CNTN4: variants seen among roughly 807,000 people sequenced by gnomAD.
CNTN4 encodes the protein contactin 4, also known as contactin-4.
Under a neutral mutation model 122.5 loss-of-function variants are expected in CNTN4, and 77 were observed. That is an observed-to-expected ratio of 0.63 (90% CI 0.52 to 0.76). CNTN4 has a LOEUF of 0.76. Ranked by LOEUF, CNTN4 falls within the 30% of genes least tolerant of loss-of-function variation. The probability of loss-of-function intolerance (pLI) is 0.00; values close to 1 mark genes in which losing one functional copy is unlikely to be tolerated. For synonymous variants in CNTN4, 512 were observed against 447.0 expected (o/e 1.15, Z -1.83); for missense variants, 1,256 against 1,259.1 (o/e 1.00, Z 0.04).
chr3:2,628,337 G>A (rs187495334), intron 4 of CNTN4, among the ~76,000 whole-genome samples: 7 of 152,354 alleles, frequency 4.6e-5, no homozygotes, highest in Admixed American at 4.6e-4. Context: ...GCAGGGGCAG[G>A]AGGCCGTAGC....
intron 13 of CNTN4, among the ~76,000 whole-genome samples, chr3:2,934,524 C>T (rs1233913267): frequency 6.6e-6 from 1 of 152,234 alleles, no homozygotes; most frequent in African/African-American, 2.4e-5. Flanking sequence ...GTCTGGGAGG[C>T]AAAGCAAATG....
intron 3 of CNTN4, among the ~76,000 whole-genome samples, chr3:2,358,948 C>T (rs2044994178): frequency 1.3e-5 from 2 of 152,142 alleles, no homozygotes; most frequent in Non-Finnish European, 2.9e-5. Flanking sequence ...TTACGTGAGC[C>T]TCTGCAGAGT....
chr3:2,205,222 TTAA>T (rs2038283795), intron 2 of CNTN4, among the ~76,000 whole-genome samples: 1 of 150,956 alleles, frequency 6.6e-6, no homozygotes, highest in Non-Finnish European at 1.5e-5. Flanking sequence ...CAAGATATTT[TTAA>T]TAATAAAAAG....
chr3:2,990,425 A>T (rs1175061396), intron 14 of CNTN4, among the ~76,000 whole-genome samples: 1 of 152,236 alleles, frequency 6.6e-6, no homozygotes, highest in African/African-American at 2.4e-5. Flanking sequence ...ACAGCTAAGC[A>T]TAGAAACCAT....
intron 3 of CNTN4, among the ~76,000 whole-genome samples, chr3:2,557,147 A>G (rs1370834354): frequency 1.3e-5 from 2 of 152,162 alleles, no homozygotes; most frequent in Admixed American, 1.3e-4. Flanking sequence ...AGATGATTCA[A>G]CTATTTCTTA....
At chr3:2,767,640 G>A (rs77123734) in intron 6 of CNTN4, among the ~76,000 whole-genome samples, 154 of 152,256 alleles carry the variant, frequency 1.0e-3, no homozygotes, top group Middle Eastern at 3.4e-3. Flanking sequence ...ATGCACAGCC[G>A]ATTAGAAAAA....
chr3:2,342,081 T>A (rs1037978170), intron 3 of CNTN4, among the ~76,000 whole-genome samples: 4 of 152,242 alleles, frequency 2.6e-5, no homozygotes, highest in African/African-American at 9.6e-5. Flanking sequence ...CATTTAGATG[T>A]TCTTATTATA....
intron 6 of CNTN4, among the ~76,000 whole-genome samples, chr3:2,815,820 C>T (rs909812674): frequency 3.3e-5 from 5 of 150,896 alleles, no homozygotes; most frequent in Non-Finnish European, 5.9e-5. Context: ...ATAGCAAAAT[C>T]GTGGAACCAA....
chr3:2,702,183 C>T (rs371625537), intron 4 of CNTN4, among the ~76,000 whole-genome samples: 7 of 152,248 alleles, frequency 4.6e-5, no homozygotes, highest in African/African-American at 9.6e-5. Flanking sequence ...AGTGGCCACC[C>T]GTTTGTTAGG....
chr3:2,963,797 C>T (rs1049423142), intron 13 of CNTN4, among the ~76,000 whole-genome samples: 1 of 152,186 alleles, frequency 6.6e-6, no homozygotes, highest in African/African-American at 2.4e-5. Flanking sequence ...GTCTCTCCTT[C>T]CACTGAAATG....
chr3:2,551,376 A>G (rs902585909), intron 3 of CNTN4, among the ~76,000 whole-genome samples: 2 of 152,048 alleles, frequency 1.3e-5, no homozygotes, highest in African/African-American at 4.8e-5. Flanking sequence ...TCATGTGTGT[A>G]CTTGAGTGTA....
At chr3:2,976,815 C>T (rs1577471305) in intron 13 of CNTN4, among the ~76,000 whole-genome samples, 1 of 151,900 alleles carries the variant, frequency 6.6e-6, no homozygotes, top group East Asian at 1.9e-4. Context: ...GTTAAAATAC[C>T]TTTTGAATTT....
rs111584492 is a variant in CNTN4 at position 2,300,820 on chromosome 3, C to G, written c.-144-38358C>G. On this transcript the variant is annotated intron_variant, in intron 2 of 24. Coordinates refer to ENST00000418658, the MANE Select transcript of CNTN4 (RefSeq NM_175607.3). ...AACAGACCTTGTGATCCACCCACCT[C>G]GGCCTCCCAAAGTGCTGGGATTACA... 3.0e-3 allele frequency among the ~76,000 whole-genome samples: 456 copies of G among 152,032 alleles called. 6 individuals are homozygous for G. The highest frequency in any genetic ancestry group is 0.01 in the African/African-American group (424 of 41,468).
At chr3:2,695,510 A>G (rs1374755453) in intron 4 of CNTN4, among the ~76,000 whole-genome samples, 2 of 152,316 alleles carry the variant, frequency 1.3e-5, no homozygotes, top group East Asian at 1.9e-4. Flanking sequence ...TTTCTTAAAC[A>G]TTTTATATCA....
chr3:2,713,017 G>A (rs998243764), intron 4 of CNTN4, among the ~76,000 whole-genome samples: 5 of 152,120 alleles, frequency 3.3e-5, no homozygotes, highest in Non-Finnish European at 7.3e-5. Flanking sequence ...CAAACATTGC[G>A]TTCCCCTGTG....
chr3:2,640,843 A>C (rs2728075), intron 4 of CNTN4, among the ~76,000 whole-genome samples: 5 of 152,040 alleles, frequency 3.3e-5, no homozygotes, highest in African/African-American at 4.8e-5. Context: ...AGCTATTCCT[A>C]GGATTATAGG....
At chr3:2,776,209 A>T (rs2091308710) in intron 6 of CNTN4, among the ~76,000 whole-genome samples, 1 of 151,390 alleles carries the variant, frequency 6.6e-6, no homozygotes, top group African/African-American at 2.4e-5. Flanking sequence ...GATGAGCAGG[A>T]TTACATCATT....
At chr3:2,614,407 T>G (rs1489264429) in intron 4 of CNTN4, among the ~76,000 whole-genome samples, 1 of 152,102 alleles carries the variant, frequency 6.6e-6, no homozygotes, top group Non-Finnish European at 1.5e-5. Context: ...AAGATCCACT[T>G]GATCAAAAAG....
At chr3:3,022,033 G>A (rs891565708) in intron 14 of CNTN4, among the ~76,000 whole-genome samples, 7 of 149,008 alleles carry the variant, frequency 4.7e-5, no homozygotes, top group South Asian at 2.1e-4. Flanking sequence ...GAGACCAGCC[G>A]GAGCAACATG....
Sources: allele counts gnomAD v4.1 joint callset (sites outside exome capture counted in the v4.1 genomes callset), GRCh38; gene constraint gnomAD v4.1.1; transcripts MANE v1.5; gene names NCBI Gene and HGNC (gene_info 2026-07-23, HGNC 2026-07-21).